CLIC5: variants seen among roughly 807,000 people sequenced by gnomAD.
The protein encoded by CLIC5 is chloride intracellular channel protein 5.
A neutral mutation model predicts 24.7 loss-of-function variants in CLIC5; 20 were observed. That is an observed-to-expected ratio of 0.81 (90% confidence interval 0.57 to 1.18). The LOEUF is 1.18. Ranked by LOEUF, CLIC5 falls within the 50% of genes most tolerant of loss-of-function variation. The probability of loss-of-function intolerance (pLI) is 0.00; values close to 1 mark genes in which losing one functional copy is unlikely to be tolerated. For synonymous variants in CLIC5, 159 were observed against 135.6 expected (o/e 1.17, Z -1.20); for missense variants, 341 against 326.1 (o/e 1.05, Z -0.35).
At chr6:45,934,834 A>G (rs1452993806) in intron 4 of CLIC5, among the ~76,000 whole-genome samples, 2 of 152,262 alleles carry the variant, frequency 1.3e-5, no homozygotes, top group South Asian at 2.1e-4. Flanking sequence ...TGAGGGAAAC[A>G]TGATAGACCT....
At chr6:45,916,690 C>T (rs931810272) in intron 4 of CLIC5, among the ~76,000 whole-genome samples, 1 of 152,202 alleles carries the variant, frequency 6.6e-6, no homozygotes, top group African/African-American at 2.4e-5. Context: ...AAGCCTAGAG[C>T]AGTGATTGAA....
chr6:46,007,815 A>C (rs1766640974), intron 1 of CLIC5, among the ~76,000 whole-genome samples: 1 of 151,912 alleles, frequency 6.6e-6, no homozygotes. Flanking sequence ...GAAAAAAAAA[A>C]CTTACCCTTA....
chr6:45,914,876 A>G lies in CLIC5; in HGVS notation c.407-467T>C, dbSNP rs1156295435. Among the ~76,000 whole-genome samples, 5 of 151,664 alleles carry G rather than the reference A, an allele frequency of 3.3e-5. 1 individual carries two copies. In the South Asian group the frequency reaches 1.0e-3, roughly 32 times the overall value. ...TGAGGCAAGAGAATCGCTTGAACCCAGGAGGCAGAGGTTGCAGTAAGTGAA... is the reference window on the plus strand; with the variant it reads ...TGAGGCAAGAGAATCGCTTGAACCCGGGAGGCAGAGGTTGCAGTAAGTGAA... On this transcript the variant is annotated intron_variant, in intron 4 of 5. Transcript: ENST00000339561.
At chr6:46,057,264 C>G (rs749182089) in intron 1 of CLIC5, among the ~76,000 whole-genome samples, 1 of 152,184 alleles carries the variant, frequency 6.6e-6, no homozygotes. Flanking sequence ...GAGGACTGGT[C>G]TTTCCCATGC....
chr6:46,054,170 G>A (rs1035148546), intron 1 of CLIC5, among the ~76,000 whole-genome samples: 9 of 152,246 alleles, frequency 5.9e-5, no homozygotes, highest in Admixed American at 1.3e-4. Flanking sequence ...GGGACCGACT[G>A]GCATTCAGGA....
chr6:46,049,605 C>T (rs2127464484), intron 1 of CLIC5, among the ~76,000 whole-genome samples: 1 of 152,254 alleles, frequency 6.6e-6, no homozygotes, highest in Non-Finnish European at 1.5e-5. Flanking sequence ...TTCAATATAA[C>T]CTTCAGATCC....
intron 1 of CLIC5, among the ~76,000 whole-genome samples, chr6:46,074,588 A>G (rs1242296233): frequency 6.6e-6 from 1 of 152,226 alleles, no homozygotes; most frequent in Non-Finnish European, 1.5e-5. Flanking sequence ...TGAGGGCCCT[A>G]TAAGTGTTCT....
intron 1 of CLIC5, among the ~76,000 whole-genome samples, chr6:45,996,805 T>C (rs1265399621): frequency 3.4e-4 from 51 of 151,790 alleles, no homozygotes; most frequent in South Asian, 2.1e-4. Flanking sequence ...CACAATGAGA[T>C]ACCATCTCAC....
the CLIC5 span, among the ~76,000 whole-genome samples, chr6:46,093,905 GAAAGA>G: frequency 6.6e-6 from 1 of 152,180 alleles, no homozygotes; most frequent in African/African-American, 2.4e-5. Flanking sequence ...AGGTAATTTA[GAAAGA>G]AAAGAGGTAT....
rs530996098 is a variant in CLIC5 at position 45,999,912 on chromosome 6, A to AT, written c.63+15567dup. 7.5e-4 allele frequency among the ~76,000 whole-genome samples: 57 copies of AT among 76,020 alleles called. 9 individuals are homozygous for AT. The highest frequency in any genetic ancestry group is 2.1e-3 in the South Asian group (3 of 1,444). The allele number at this position is 76,020 out of a possible 152,430, so 49.9% of individuals were successfully genotyped here. On this transcript the variant is annotated intron_variant, in intron 1 of 5. Coordinates refer to ENST00000339561, the MANE Select transcript of CLIC5 (RefSeq NM_016929.5). ...AGGCGCCCGCCACCGCGCCCGGCTAATTTTTTTTTTTGTATTTTTAGTAGA... is the reference window on the plus strand; with the variant it reads ...AGGCGCCCGCCACCGCGCCCGGCTAATTTTTTTTTTTTGTATTTTTAGTAGA...
At chr6:46,085,687 G>C in the CLIC5 span, among the ~76,000 whole-genome samples, 1 of 152,192 alleles carries the variant, frequency 6.6e-6, no homozygotes, top group Non-Finnish European at 1.5e-5. Context: ...TGCCCCTACT[G>C]GGGGGTGCCT....
chr6:46,001,976 A>C (rs1766378665), intron 1 of CLIC5, among the ~76,000 whole-genome samples: 1 of 152,174 alleles, frequency 6.6e-6, no homozygotes, highest in Admixed American at 6.5e-5. Flanking sequence ...AAAGACTCAG[A>C]AAGTCCTAGC....
At chr6:45,885,243 G>A (rs527924676) in intron 6 of CLIC5, among the ~76,000 whole-genome samples, 6 of 152,166 alleles carry the variant, frequency 3.9e-5, no homozygotes, top group East Asian at 3.9e-4. Context: ...GAGCTCTCTC[G>A]CCCTGTTTCT....
At chr6:46,032,101 A>T (rs1269080060) in intron 1 of CLIC5, among the ~76,000 whole-genome samples, 1 of 152,032 alleles carries the variant, frequency 6.6e-6, no homozygotes, top group Non-Finnish European at 1.5e-5. Flanking sequence ...GATTTAATTG[A>T]CTCAGTTCCA....
chr6:46,079,450 T>A (rs1006282656), intron 1 of CLIC5, among the ~76,000 whole-genome samples: 3 of 152,358 alleles, frequency 2.0e-5, no homozygotes, highest in Admixed American at 6.5e-5. Context: ...TGAACCGTTT[T>A]GAAAAATACT....
rs1055725375 is a variant in CLIC5 at position 45,952,745 on chromosome 6, G to A, written c.173+2390C>T. Among the ~76,000 whole-genome samples, 10 of 152,258 alleles carry A rather than the reference G, an allele frequency of 6.6e-5. No homozygotes were observed. The East Asian group carries it at 1.9e-3, about 29-fold the overall frequency. ...GGACCAGGTGTGATCATGTGAAGGA[G>A]GAACCAAACCATCTGAAGCACGCGG... On this transcript the variant is annotated intron_variant, in intron 2 of 5. Coordinates refer to ENST00000339561, the MANE Select transcript of CLIC5 (RefSeq NM_016929.5).
At chr6:46,129,026 T>C in the CLIC5 span, among the ~76,000 whole-genome samples, 10 of 152,368 alleles carry the variant, frequency 6.6e-5, no homozygotes, top group Admixed American at 4.6e-4. Context: ...ATCCAGGTAC[T>C]GGATTTACAG....
chr6:45,942,289 G>A (rs537582246), intron 3 of CLIC5, among the ~76,000 whole-genome samples: 1 of 152,078 alleles, frequency 6.6e-6, no homozygotes, highest in South Asian at 2.1e-4. Flanking sequence ...AGATACATTT[G>A]CAATGATCCA....
intron 1 of CLIC5, among the ~76,000 whole-genome samples, chr6:46,040,296 A>G (rs936208400): frequency 7.2e-5 from 11 of 152,098 alleles, no homozygotes; most frequent in Admixed American, 7.2e-4. Context: ...CGCGATTGGT[A>G]GTATTTGATT....
Sources: gnomAD v4.1 joint callset for allele counts (sites outside exome capture counted in the v4.1 genomes callset) on GRCh38, gnomAD v4.1.1 for gene constraint, MANE v1.5 for transcripts, NCBI Gene and HGNC (gene_info 2026-07-23, HGNC 2026-07-21) for gene names.